The following GLI2 variants were observed in gnomAD, a reference collection of about 807,000 sequenced individuals.
GLI2 encodes transcription activator GLI2.
A neutral mutation model predicts 78.9 loss-of-function variants in GLI2; 22 were observed. That is an observed-to-expected ratio of 0.28 (90% confidence interval 0.20 to 0.40). GLI2 has a LOEUF of 0.40. GLI2 is among the 10% of genes least tolerant of loss of function. The probability of loss-of-function intolerance (pLI) is 1.00; values close to 1 mark genes in which losing one functional copy is unlikely to be tolerated. For missense variants in GLI2, 2,097 were observed against 2,213.2 expected (o/e 0.95, Z 1.05); for synonymous variants, 974 against 963.7 (o/e 1.01, Z -0.20).
intron 2 of GLI2, among the ~76,000 whole-genome samples, chr2:120,886,159 AGTGTGTGTGTGTGTGTGTGTGTGTGTGT>A (rs532891541): frequency 6.0e-5 from 7 of 116,752 alleles, no homozygotes; most frequent in Non-Finnish European, 1.0e-4. Context: ...ATTTTTCCAA[AGTGTGTGTGTGTGTGTGTGTGTGTGTGT>A]GTGTGTGTGT....
chr2:120,829,105 C>T (rs556996222), intron 2 of GLI2, among the ~76,000 whole-genome samples: 45 of 152,106 alleles, frequency 3.0e-4, no homozygotes, highest in African/African-American at 1.0e-3. Flanking sequence ...CACCTGCACC[C>T]ATGCACGCAC....
At chr2:120,980,425 T>TTA in intron 10 of GLI2, among the ~76,000 whole-genome samples, 1 of 152,380 alleles carries the variant, frequency 6.6e-6, no homozygotes, top group Admixed American at 6.5e-5. Flanking sequence ...TTATTGGCCA[T>TTA]TTGCGTATCT....
intron 3 of GLI2, among the ~76,000 whole-genome samples, chr2:120,942,859 CTCTTTCATTCATTCAT>C (rs1462681756): frequency 2.0e-5 from 3 of 149,590 alleles, no homozygotes; most frequent in East Asian, 1.9e-4. Context: ...CGTTCACGCC[CTCTTTCATTCATTCAT>C]TCATTCATTC....
At chr2:120,742,546 G>C (rs1682579656) in intron 1 of GLI2, among the ~76,000 whole-genome samples, 1 of 152,070 alleles carries the variant, frequency 6.6e-6, no homozygotes, top group East Asian at 1.9e-4. Flanking sequence ...TTAATAACTG[G>C]AGTGTGTGTG....
intron 1 of GLI2, among the ~76,000 whole-genome samples, chr2:120,775,699 A>T (rs937293371): frequency 3.3e-5 from 5 of 152,160 alleles, no homozygotes; most frequent in Admixed American, 6.5e-5. Context: ...GCAGAGCGCT[A>T]GAGAGAGCCT....
chr2:120,935,374 C>T (rs543342488), intron 3 of GLI2, among the ~76,000 whole-genome samples: 3 of 152,328 alleles, frequency 2.0e-5, no homozygotes, highest in Non-Finnish European at 2.9e-5. Flanking sequence ...GGCGATGTGT[C>T]GGGCAGCACA....
chr2:120,763,462 G>A (rs1163728660), intron 1 of GLI2, among the ~76,000 whole-genome samples: 1 of 152,254 alleles, frequency 6.6e-6, no homozygotes, highest in Non-Finnish European at 1.5e-5. Flanking sequence ...ACTGTCTCTT[G>A]GCAAGAATCT....
intron 2 of GLI2, among the ~76,000 whole-genome samples, chr2:120,851,366 G>T (rs1366709492): frequency 6.6e-6 from 1 of 152,204 alleles, no homozygotes; most frequent in African/African-American, 2.4e-5. Context: ...GCTCTGTTTG[G>T]ATTTACTTTT....
chr2:120,824,859 A>G (rs1280335546), intron 2 of GLI2, among the ~76,000 whole-genome samples: 6 of 152,144 alleles, frequency 3.9e-5, no homozygotes, highest in Non-Finnish European at 7.3e-5. Flanking sequence ...GTCTTGAGAC[A>G]GGTTATCGCT....
At chr2:120,823,277 A>G (rs1001774227) in intron 2 of GLI2, among the ~76,000 whole-genome samples, 1 of 152,300 alleles carries the variant, frequency 6.6e-6, no homozygotes. Flanking sequence ...ATATAATTAC[A>G]TTATAATTTA....
At chr2:120,813,465 T>C (rs116327520) in intron 2 of GLI2, among the ~76,000 whole-genome samples, 2,605 of 152,264 alleles carry the variant, frequency 0.017, 77 homozygotes, top group African/African-American at 0.059. Context: ...TCCCCTCAGC[T>C]GCGTTGAGTC....
chr2:120,835,326 C>T (rs1198103763), intron 2 of GLI2, among the ~76,000 whole-genome samples: 3 of 151,376 alleles, frequency 2.0e-5, no homozygotes, highest in South Asian at 2.1e-4. Flanking sequence ...GATTGGCTCC[C>T]GTTGTTGCTC....
At chr2:120,777,895 G>A (rs568694534) in intron 1 of GLI2, among the ~76,000 whole-genome samples, 1 of 152,034 alleles carries the variant, frequency 6.6e-6, no homozygotes, top group African/African-American at 2.4e-5. Context: ...CCAGGCTGGG[G>A]TGCAGAGCCC....
intron 2 of GLI2, among the ~76,000 whole-genome samples, chr2:120,920,620 A>G (rs561512779): frequency 7.9e-5 from 12 of 152,284 alleles, no homozygotes; most frequent in African/African-American, 2.4e-4. Context: ...AGCGTAGAAA[A>G]GTTCCAGGAT....
intron 5 of GLI2, among the ~76,000 whole-genome samples, chr2:120,965,010 G>A (rs1004451097): frequency 7.9e-5 from 12 of 152,256 alleles, no homozygotes; most frequent in Admixed American, 7.8e-4. Flanking sequence ...GATGGTGGTA[G>A]CTGTTAAATG....
At chr2:120,903,679 G>A (rs1678374098) in intron 2 of GLI2, among the ~76,000 whole-genome samples, 1 of 152,202 alleles carries the variant, frequency 6.6e-6, no homozygotes, top group Non-Finnish European at 1.5e-5. Flanking sequence ...TGCAAGGTGG[G>A]TGAGTCTCTG....
chr2:120,951,326 C>A lies in GLI2; in HGVS notation c.338C>A (p.Ser113Tyr). Reference protein sequence around the residue: ...LSPHPAGPGESPFNAPHPYVN... With the variant: ...LSPHPAGPGEYPFNAPHPYVN... ...CCGCACCCGGCTGGCCCTGGGGAGT[C>A]CCCCTTCAACGCCCCCCACCCGTAC... Residue 113 changes from serine to tyrosine, a missense_variant, in exon 4 of 14, where the codon TCC (serine) becomes TAC (tyrosine). By Grantham distance (144) the Ser-to-Tyr change is moderately radical. This residue lies in a region of GLI2 where 578 missense variants were observed against 612.0 expected (regional missense o/e 0.94). Transcript: ENST00000361492. 6.4e-7 allele frequency: 1 copy of A among 1,557,808 alleles called. No homozygotes were observed. Among genetic ancestry groups the A allele is most frequent in the Non-Finnish European group, 8.9e-7 (1 of 1,128,662 alleles).
At chr2:120,789,016 C>T (rs1040976455) in intron 1 of GLI2, among the ~76,000 whole-genome samples, 29 of 150,526 alleles carry the variant, frequency 1.9e-4, no homozygotes, top group African/African-American at 7.2e-4. Context: ...TCTGGCTTAT[C>T]ACTTATTTCT....
At chr2:120,861,795 T>G (rs1162909445) in intron 2 of GLI2, among the ~76,000 whole-genome samples, 1 of 152,134 alleles carries the variant, frequency 6.6e-6, no homozygotes, top group African/African-American at 2.4e-5. Flanking sequence ...GCACGTTAAG[T>G]GCTAATATGC....
Sources: allele counts gnomAD v4.1 joint callset (sites outside exome capture counted in the v4.1 genomes callset), GRCh38; gene constraint gnomAD v4.1.1; regional missense constraint gnomAD v4.1.1; transcripts MANE v1.5; gene names NCBI Gene and HGNC (gene_info 2026-07-23, HGNC 2026-07-21).